The following WWOX variants were observed in gnomAD, a reference collection of about 807,000 sequenced individuals.
WWOX encodes the protein WW domain-containing oxidoreductase.
WWOX carries 69 observed loss-of-function variants against 46.2 expected under a neutral mutation model. That is an observed-to-expected ratio of 1.49 (90% CI 1.23 to 1.82). WWOX has a LOEUF of 1.82. Among genes scored for constraint, WWOX ranks in the 40% most tolerant of loss-of-function variants. The probability of loss-of-function intolerance (pLI) is 0.00; values close to 1 mark genes in which losing one functional copy is unlikely to be tolerated. For synonymous variants in WWOX, 359 were observed against 202.6 expected (o/e 1.77, Z -6.56); for missense variants, 919 against 542.6 (o/e 1.69, Z -6.89).
intron 8 of WWOX, among the ~76,000 whole-genome samples, chr16:78,733,808 G>T (rs1014802099): frequency 3.9e-5 from 6 of 151,978 alleles, no homozygotes; most frequent in African/African-American, 1.4e-4. Context: ...GGTCATGCCT[G>T]CCATCCCAGC....
chr16:78,409,913 T>C (rs900304314), intron 6 of WWOX, among the ~76,000 whole-genome samples: 1 of 152,188 alleles, frequency 6.6e-6, no homozygotes, highest in Non-Finnish European at 1.5e-5. Flanking sequence ...TTACCTAGAT[T>C]ATCTAGCATG....
chr16:78,583,781 C>T (rs562769295), intron 8 of WWOX, among the ~76,000 whole-genome samples: 5 of 152,236 alleles, frequency 3.3e-5, no homozygotes, highest in African/African-American at 9.6e-5. Context: ...GAGCCAAGGG[C>T]GAAGCTGCCT....
intron 8 of WWOX, among the ~76,000 whole-genome samples, chr16:78,876,532 A>G (rs1342281208): frequency 6.6e-6 from 1 of 151,684 alleles, no homozygotes; most frequent in East Asian, 1.9e-4. Flanking sequence ...ATGTCAAAGA[A>G]GTTTCTCATT....
chr16:78,941,444 C>T (rs562225549), intron 8 of WWOX, among the ~76,000 whole-genome samples: 91 of 151,636 alleles, frequency 6.0e-4, no homozygotes, highest in African/African-American at 2.1e-3. Flanking sequence ...GCATCATTAC[C>T]TTCCTCCGAA....
intron 8 of WWOX, among the ~76,000 whole-genome samples, chr16:79,056,541 T>C (rs1268887911): frequency 6.6e-6 from 1 of 152,154 alleles, no homozygotes; most frequent in Non-Finnish European, 1.5e-5. Context: ...TGCCAACATG[T>C]GGGGTTGGAT....
At chr16:78,567,141 A>G (rs1463113479) in intron 8 of WWOX, among the ~76,000 whole-genome samples, 1 of 152,212 alleles carries the variant, frequency 6.6e-6, no homozygotes, top group African/African-American at 2.4e-5. Context: ...TCACAAGCCC[A>G]ACCCTGGTGA....
intron 8 of WWOX, among the ~76,000 whole-genome samples, chr16:79,080,234 C>G (rs1309660857): frequency 1.3e-5 from 2 of 152,198 alleles, no homozygotes; most frequent in Admixed American, 6.5e-5. Context: ...AGGGGTGACA[C>G]TAGCGATAGA....
chr16:78,441,754 A>T (rs2083449182), intron 8 of WWOX, among the ~76,000 whole-genome samples: 1 of 152,128 alleles, frequency 6.6e-6, no homozygotes, highest in Non-Finnish European at 1.5e-5. Flanking sequence ...TAAAGACGTT[A>T]TGAACTTAAG....
intron 8 of WWOX, among the ~76,000 whole-genome samples, chr16:78,670,034 G>T (rs757391729): frequency 6.6e-6 from 1 of 152,092 alleles, no homozygotes; most frequent in Admixed American, 6.6e-5. Context: ...TCCTCCAGAG[G>T]CAGGAAGAGG....
rs1271556853 is a variant in WWOX at position 79,212,256 on chromosome 16, A to ATTGT, written c.*463_*466dup. ...CCTTGCTGCATTGATCCAGGAGATA[A>ATTGT]TTGTTTCATTCATCCTGACCAAGAC... is the stretch of plus-strand genomic sequence containing the variant. On this transcript the variant is annotated 3_prime_UTR_variant, in exon 9 of 9. Coordinates refer to ENST00000566780, the MANE Select transcript of WWOX (RefSeq NM_016373.4). 10 of 1,306,720 alleles carry ATTGT rather than the reference A, an allele frequency of 7.7e-6. No individual in the cohort carries two copies. The highest frequency in any genetic ancestry group is 2.9e-5 in the Admixed American group (1 of 34,918). The allele number at this position is 1,306,720 out of a possible 1,614,324, so 80.9% of individuals were successfully genotyped here. A position where few individuals can be genotyped will look rare whatever the true frequency, so the allele number is the denominator to read the frequency against.
intron 8 of WWOX, among the ~76,000 whole-genome samples, chr16:78,769,212 G>C (rs2050001065): frequency 6.6e-6 from 1 of 152,200 alleles, no homozygotes; most frequent in Non-Finnish European, 1.5e-5. Flanking sequence ...TATTTCATGA[G>C]TGCTTACTAT....
chr16:78,922,233 A>C (rs1047738247), intron 8 of WWOX, among the ~76,000 whole-genome samples: 7 of 152,076 alleles, frequency 4.6e-5, no homozygotes, highest in African/African-American at 1.2e-4. Flanking sequence ...TTGGTCCTTT[A>C]AGAATGGTTC....
intron 8 of WWOX, among the ~76,000 whole-genome samples, chr16:78,554,905 G>T (rs184612813): frequency 6.6e-6 from 1 of 152,224 alleles, no homozygotes; most frequent in Admixed American, 6.5e-5. Flanking sequence ...CACAAAGACT[G>T]TAAGCCTTAC....
At chr16:78,589,869 GA>G (rs1254979174) in intron 8 of WWOX, among the ~76,000 whole-genome samples, 1 of 152,096 alleles carries the variant, frequency 6.6e-6, no homozygotes, top group African/African-American at 2.4e-5. Flanking sequence ...TGCAAGGGGG[GA>G]AAAATGGAAA....
chr16:78,590,254 AGGCTTGGTGTCT>A (rs2045320867), intron 8 of WWOX, among the ~76,000 whole-genome samples: 1 of 152,304 alleles, frequency 6.6e-6, no homozygotes, highest in South Asian at 2.1e-4. Flanking sequence ...AGATGCAGAC[AGGCTTGGTGTCT>A]GGTGAGGGCT....
rs11862546 is a variant in WWOX at position 79,130,451 on chromosome 16, G to C, written c.1057-81157G>C. On this transcript the variant is annotated intron_variant, in intron 8 of 8. Transcript: ENST00000566780. ...ATGAGGAGGGTAGGGTCAGTTCTAC[G>C]TAAAAACAGGGTTAGTAAAGGCCTC... Among the ~76,000 whole-genome samples the C allele has an allele frequency of 2.4e-3, 364 of 152,098 alleles. 2 individuals carry two copies. Among genetic ancestry groups the C allele is most frequent in the Non-Finnish European group, 3.1e-3 (209 of 68,002 alleles).
At chr16:79,045,772 T>C (rs1402042590) in intron 8 of WWOX, among the ~76,000 whole-genome samples, 1 of 146,724 alleles carries the variant, frequency 6.8e-6, no homozygotes, top group African/African-American at 2.5e-5. Flanking sequence ...CTTTCCTTTT[T>C]TCTTTTCCTT....
intron 5 of WWOX, among the ~76,000 whole-genome samples, chr16:78,352,932 G>GT (rs1300772877): frequency 1.3e-5 from 2 of 152,184 alleles, no homozygotes; most frequent in African/African-American, 4.8e-5. Flanking sequence ...CTAGCTTATA[G>GT]TTTATTTTAT....
chr16:78,587,778 T>C (rs1430944579), intron 8 of WWOX, among the ~76,000 whole-genome samples: 1 of 152,192 alleles, frequency 6.6e-6, no homozygotes, highest in East Asian at 1.9e-4. Flanking sequence ...TGTCTTGATC[T>C]GTTATATGAT....
Sources: gnomAD v4.1 joint callset for allele counts (sites outside exome capture counted in the v4.1 genomes callset) on GRCh38, gnomAD v4.1.1 for gene constraint, MANE v1.5 for transcripts, NCBI Gene and HGNC (gene_info 2026-07-23, HGNC 2026-07-21) for gene names.